The following SHANK2 variants were observed in gnomAD, a reference collection of about 807,000 sequenced individuals.
SHANK2 encodes the protein SH3 and multiple ankyrin repeat domains protein 2.
Under a neutral mutation model 133.7 loss-of-function variants are expected in SHANK2, and 43 were observed. The observed-to-expected ratio is 0.32, with a 90% confidence interval of 0.25 to 0.41. The LOEUF is 0.41. SHANK2 is among the 10% of genes least tolerant of loss of function. The probability of loss-of-function intolerance (pLI) is 1.00; values close to 1 mark genes in which losing one functional copy is unlikely to be tolerated. For missense variants in SHANK2, 1,994 were observed against 2,235.8 expected (o/e 0.89, Z 2.18); for synonymous variants, 1,017 against 952.8 (o/e 1.07, Z -1.24).
intron 8 of SHANK2, among the ~76,000 whole-genome samples, chr11:71,075,751 G>A (rs1326226168): frequency 6.6e-6 from 1 of 152,290 alleles, no homozygotes; most frequent in Non-Finnish European, 1.5e-5. Flanking sequence ...CCACAGGAGT[G>A]AGCCCTGTCC....
intron 15 of SHANK2, among the ~76,000 whole-genome samples, chr11:70,675,713 G>C (rs1408884929): frequency 6.6e-6 from 1 of 152,208 alleles, no homozygotes; most frequent in South Asian, 2.1e-4. Context: ...GATGCTCTGA[G>C]AAGATTTTGC....
chr11:71,103,875 C>G (rs868972477), intron 6 of SHANK2, among the ~76,000 whole-genome samples: 64 of 132,376 alleles, frequency 4.8e-4, no homozygotes, highest in African/African-American at 1.6e-3. Flanking sequence ...CCTCTCCCCC[C>G]CTCTTTCTCT....
chr11:70,472,811 G>T lies in SHANK2; in HGVS notation c.*58C>A. 1 of 1,533,820 alleles carries T rather than the reference G, an allele frequency of 6.5e-7. No homozygotes were observed. The highest frequency in any genetic ancestry group is 1.1e-5 in the South Asian group (1 of 89,128). ...CTTCGCTTGGCATTCAGATGTTTCA[G>T]CACGAGCCCATCTCTACTTATAACA... On this transcript the variant is annotated 3_prime_UTR_variant, in exon 26 of 26. Transcript: ENST00000601538. The surrounding 1 kb of genome is among the most constrained non-coding windows in gnomAD (Gnocchi z 4.4).
At chr11:71,243,572 G>A (rs1555124660) in intron 1 of SHANK2, among the ~76,000 whole-genome samples, 1 of 152,150 alleles carries the variant, frequency 6.6e-6, no homozygotes, top group Non-Finnish European at 1.5e-5. Context: ...GTGGGCGCCT[G>A]TAGTGCCAGC....
Position 70,644,065 on chromosome 11 carries a change from C to G in SHANK2, c.2061+15763G>C, listed in dbSNP as rs572036089. On this transcript the variant is annotated intron_variant, in intron 17 of 25. Transcript: ENST00000601538. The stretch of plus-strand genomic sequence containing the variant: ...CCTGTTTCAGAGCTAAGGAAACATG[C>G]TGGGACTTGCCCCAGATTTAACAGG... Among the ~76,000 whole-genome samples the G allele has an allele frequency of 4.6e-5, 7 of 152,272 alleles. No homozygotes were observed. In the South Asian group the frequency reaches 8.3e-4, roughly 18 times the overall value.
chr11:70,660,022 C>T (rs2061461472), intron 16 of SHANK2, 70 bp from the exon 17 acceptor site: 2 of 1,605,506 alleles, frequency 1.2e-6, no homozygotes, highest in Non-Finnish European at 1.7e-6. Flanking sequence ...CCTGACCTCC[C>T]CACAGGACCC....
intron 17 of SHANK2, among the ~76,000 whole-genome samples, chr11:70,590,298 C>G (rs2060305082): frequency 6.6e-6 from 1 of 152,210 alleles, no homozygotes; most frequent in Non-Finnish European, 1.5e-5. Context: ...GAGATGGAAT[C>G]TACTCCTGGT....
chr11:70,906,289 C>T (rs930945835), intron 10 of SHANK2, among the ~76,000 whole-genome samples: 14 of 152,322 alleles, frequency 9.2e-5, no homozygotes, highest in Middle Eastern at 6.8e-3. Context: ...CGCCATGGAG[C>T]GGGACTGTCG....
intron 14 of SHANK2, among the ~76,000 whole-genome samples, chr11:70,769,741 GGCATGTGTGTA>G (rs1947206661): frequency 4.9e-5 from 3 of 61,322 alleles, no homozygotes; most frequent in African/African-American, 1.5e-4. Context: ...GGCATGTGTA[GGCATGTGTGTA>G]TGTTCTATGT....
At chr11:71,225,723 T>C (rs1555122101) in intron 1 of SHANK2, among the ~76,000 whole-genome samples, 1 of 152,182 alleles carries the variant, frequency 6.6e-6, no homozygotes, top group East Asian at 1.9e-4. Context: ...GCAACCATGA[T>C]GAATGCTTCC....
At chr11:70,475,479 C>T (rs1555149938) in intron 25 of SHANK2, among the ~76,000 whole-genome samples, 2 of 152,144 alleles carry the variant, frequency 1.3e-5, no homozygotes, top group Admixed American at 1.3e-4. Flanking sequence ...TTTTTCTTTT[C>T]TCTTTCTTTA....
intron 14 of SHANK2, among the ~76,000 whole-genome samples, chr11:70,699,518 A>G (rs782040913): frequency 1.4e-4 from 22 of 152,206 alleles, no homozygotes; most frequent in Non-Finnish European, 2.9e-4. Flanking sequence ...CAAAACATCC[A>G]AAGAAATTAT....
chr11:70,863,948 C>G, intron 11 of SHANK2: 1 of 423,036 alleles, frequency 2.4e-6, no homozygotes, highest in South Asian at 1.7e-5. Flanking sequence ...GAGAATGTTT[C>G]TGATAAAACC....
rs550320220 is a variant in SHANK2, at chr11:70,886,853, C to T, written c.1174+9648G>A. On this transcript the variant is annotated intron_variant, in intron 11 of 25. Transcript: ENST00000601538. The stretch of plus-strand genomic sequence containing the variant: ...CAACAGTATCCAAGTATTCCTTCGT[C>T]GGCTAATCAGGCACCCAAACTCACA... 1.8e-4 allele frequency among the ~76,000 whole-genome samples: 28 copies of T among 152,140 alleles called. 1 individual carries two copies. Among genetic ancestry groups the T allele is most frequent in the Admixed American group, 1.5e-3 (23 of 15,260 alleles).
At chr11:70,898,631 A>G (rs781827191) in intron 10 of SHANK2, among the ~76,000 whole-genome samples, 2 of 152,240 alleles carry the variant, frequency 1.3e-5, no homozygotes, top group African/African-American at 2.4e-5. Context: ...TATTTAGCTG[A>G]AGAGATTTCT....
intron 14 of SHANK2, among the ~76,000 whole-genome samples, chr11:70,713,887 C>T (rs1406277690): frequency 3.9e-5 from 6 of 152,248 alleles, no homozygotes; most frequent in Non-Finnish European, 7.3e-5. Flanking sequence ...GGTGAAGAAG[C>T]TCAGGTGCAC....
At chr11:71,189,534 C>T (rs782129017) in intron 2 of SHANK2, among the ~76,000 whole-genome samples, 31 of 152,188 alleles carry the variant, frequency 2.0e-4, no homozygotes, top group Non-Finnish European at 3.5e-4. Flanking sequence ...GTAGCTGGGA[C>T]TACAGGAGCA....
intron 1 of SHANK2, among the ~76,000 whole-genome samples, chr11:71,251,450 G>A (rs989427715): frequency 5.3e-5 from 8 of 152,026 alleles, no homozygotes; most frequent in Non-Finnish European, 1.2e-4. Flanking sequence ...CCCAAGTGAC[G>A]AGTGCGCTGT....
At chr11:70,644,807 C>A (rs181950123) in intron 17 of SHANK2, among the ~76,000 whole-genome samples, 1 of 152,342 alleles carries the variant, frequency 6.6e-6, no homozygotes, top group Non-Finnish European at 1.5e-5. Flanking sequence ...CAAACAACAG[C>A]CCATGCCTTT....
Sources: allele counts gnomAD v4.1 joint callset (sites outside exome capture counted in the v4.1 genomes callset), GRCh38; gene constraint gnomAD v4.1.1; non-coding constraint Gnocchi (gnomAD v3.1); transcripts MANE v1.5; gene names NCBI Gene and HGNC (gene_info 2026-07-23, HGNC 2026-07-21).